The following CNTN5 variants were observed in gnomAD, a reference collection of about 807,000 sequenced individuals.
The protein encoded by CNTN5 is contactin-5.
A neutral mutation model predicts 129.1 loss-of-function variants in CNTN5; 77 were observed. The observed-to-expected ratio is 0.60, with a 90% CI of 0.50 to 0.72. The LOEUF (loss-of-function observed/expected upper bound fraction) is 0.72, where lower values mean the gene tolerates loss of function less well. CNTN5 is among the 30% of genes least tolerant of loss of function. CNTN5 has a pLI of 0.00. For missense variants in CNTN5, 1,478 were observed against 1,328.8 expected (o/e 1.11, Z -1.75); for synonymous variants, 509 against 465.6 (o/e 1.09, Z -1.20).
At chr11:99,411,123 T>C (rs1485441266) in intron 2 of CNTN5, among the ~76,000 whole-genome samples, 1 of 151,788 alleles carries the variant, frequency 6.6e-6, no homozygotes, top group Non-Finnish European at 1.5e-5. Context: ...ATTGGTAACA[T>C]GTTTATTTTC....
chr11:99,644,234 C>G (rs963561185), intron 3 of CNTN5, among the ~76,000 whole-genome samples: 10 of 139,068 alleles, frequency 7.2e-5, no homozygotes, highest in African/African-American at 2.6e-4. Context: ...CCTCCTATTA[C>G]GTCTTTTTCC....
At chr11:100,048,718 A>T (rs576196941) in intron 9 of CNTN5, among the ~76,000 whole-genome samples, 1 of 152,212 alleles carries the variant, frequency 6.6e-6, no homozygotes, top group Admixed American at 6.6e-5. Flanking sequence ...TGGAACAATT[A>T]GCTACATAAC....
intron 3 of CNTN5, among the ~76,000 whole-genome samples, chr11:99,715,949 A>G (rs1233370819): frequency 6.6e-6 from 1 of 152,004 alleles, no homozygotes; most frequent in Non-Finnish European, 1.5e-5. Flanking sequence ...ATATCCTTAG[A>G]ACAAGAATAT....
intron 15 of CNTN5, among the ~76,000 whole-genome samples, chr11:100,221,913 A>G (rs534308148): frequency 6.6e-6 from 1 of 152,342 alleles, no homozygotes; most frequent in African/African-American, 2.4e-5. Context: ...GAAAGCAAGC[A>G]TCTGCTTTAA....
chr11:99,093,961 G>A (rs1318628254), intron 1 of CNTN5, among the ~76,000 whole-genome samples: 4 of 151,754 alleles, frequency 2.6e-5, no homozygotes, highest in Non-Finnish European at 5.9e-5. Context: ...GAGGCATTTG[G>A]AAATAACATA....
intron 1 of CNTN5, among the ~76,000 whole-genome samples, chr11:99,304,760 G>A (rs1317476406): frequency 2.0e-5 from 3 of 152,146 alleles, no homozygotes; most frequent in Non-Finnish European, 4.4e-5. Flanking sequence ...AATTCTTACT[G>A]TGAAACAATC....
intron 3 of CNTN5, among the ~76,000 whole-genome samples, chr11:99,587,286 T>A (rs1382371789): frequency 6.6e-6 from 1 of 152,198 alleles, no homozygotes; most frequent in Non-Finnish European, 1.5e-5. Flanking sequence ...CAAAGCTCTA[T>A]TTGCTACCAT....
At chr11:99,777,227 CT>C (rs1565518584) in intron 3 of CNTN5, among the ~76,000 whole-genome samples, 1 of 151,646 alleles carries the variant, frequency 6.6e-6, no homozygotes, top group African/African-American at 2.4e-5. Flanking sequence ...ACAAAAATAC[CT>C]TTTGAAGTTC....
At chr11:99,727,553 T>A (rs191961996) in intron 3 of CNTN5, among the ~76,000 whole-genome samples, 1 of 152,024 alleles carries the variant, frequency 6.6e-6, no homozygotes, top group African/African-American at 2.4e-5. Context: ...TTCCTGGAAC[T>A]CTATATTTCC....
chr11:100,281,452 G>GC, intron 18 of CNTN5, among the ~76,000 whole-genome samples: 1 of 152,156 alleles, frequency 6.6e-6, no homozygotes, highest in South Asian at 2.1e-4. Flanking sequence ...AAAGTCTGCT[G>GC]CCAGACATAT....
chr11:99,647,643 A>C (rs919178867), intron 3 of CNTN5, among the ~76,000 whole-genome samples: 3 of 151,958 alleles, frequency 2.0e-5, no homozygotes, highest in Admixed American at 1.3e-4. Flanking sequence ...ACATTTTAGC[A>C]ATATTAATTC....
intron 1 of CNTN5, among the ~76,000 whole-genome samples, chr11:99,305,754 G>A (rs1341734105): frequency 8.5e-5 from 13 of 152,068 alleles, no homozygotes; most frequent in Admixed American, 7.9e-4. Context: ...GCTGAGGCAG[G>A]TGGATCACCT....
chr11:99,167,072 G>C (rs942395122), intron 1 of CNTN5, among the ~76,000 whole-genome samples: 1 of 151,986 alleles, frequency 6.6e-6, no homozygotes, highest in South Asian at 2.1e-4. Flanking sequence ...CAGGAATATG[G>C]TTCTTTTTGT....
intron 2 of CNTN5, among the ~76,000 whole-genome samples, chr11:99,422,247 G>T (rs61892053): frequency 0.028 from 4,280 of 151,992 alleles, 75 homozygotes; most frequent in South Asian, 0.069. Context: ...TGCAACCTGG[G>T]TTAATTAGCT....
intron 4 of CNTN5, among the ~76,000 whole-genome samples, chr11:99,843,365 T>C (rs1947578319): frequency 6.6e-6 from 1 of 152,216 alleles, no homozygotes; most frequent in African/African-American, 2.4e-5. Flanking sequence ...AGACAAAATA[T>C]TTAAAGAAAT....
chr11:99,620,025 C>CAAA (rs779644229), intron 3 of CNTN5, among the ~76,000 whole-genome samples: 16 of 67,914 alleles, frequency 2.4e-4, no homozygotes, highest in African/African-American at 5.7e-4. Context: ...GACTCCGTCT[C>CAAA]AAAAAAAAAA....
chr11:99,856,126 C>A (rs1337951344), intron 6 of CNTN5, among the ~76,000 whole-genome samples: 1 of 152,102 alleles, frequency 6.6e-6, no homozygotes, highest in Non-Finnish European at 1.5e-5. Flanking sequence ...CCTGTGAATT[C>A]ATGGCCTCAG....
chr11:100,250,131 T>C (rs891514268), intron 16 of CNTN5, among the ~76,000 whole-genome samples: 11 of 152,058 alleles, frequency 7.2e-5, no homozygotes, highest in Admixed American at 6.6e-4. Context: ...TCATCCTTAT[T>C]ATTAAATCAT....
chr11:99,588,186 C>A (rs1398435894), intron 3 of CNTN5, among the ~76,000 whole-genome samples: 2 of 151,874 alleles, frequency 1.3e-5, no homozygotes, highest in Non-Finnish European at 2.9e-5. Context: ...TACTAAAACA[C>A]ACAAAAAATT....
Sources: gnomAD v4.1 joint callset for allele counts (sites outside exome capture counted in the v4.1 genomes callset) on GRCh38, gnomAD v4.1.1 for gene constraint, MANE v1.5 for transcripts, NCBI Gene and HGNC (gene_info 2026-07-23, HGNC 2026-07-21) for gene names.